SORCS1: variants seen among roughly 807,000 people sequenced by gnomAD.
The protein encoded by SORCS1 is sortilin related VPS10 domain containing receptor 1.
Under a neutral mutation model 146.1 loss-of-function variants are expected in SORCS1, and 60 were observed. That is an observed-to-expected ratio of 0.41 (90% CI 0.33 to 0.51). The LOEUF is 0.51. SORCS1 is among the 20% of genes least tolerant of loss of function. The pLI, the probability that SORCS1 is intolerant of heterozygous loss-of-function variation, is 0.21. For synonymous variants in SORCS1, 637 were observed against 584.0 expected (o/e 1.09, Z -1.31); for missense variants, 1,352 against 1,487.6 (o/e 0.91, Z 1.50).
intron 7 of SORCS1, among the ~76,000 whole-genome samples, chr10:106,707,740 G>C (rs1854635773): frequency 6.6e-6 from 1 of 152,108 alleles, no homozygotes; most frequent in Admixed American, 6.5e-5. Flanking sequence ...GGTAGAGAGG[G>C]CAGGTGTGGT....
chr10:106,883,091 C>G (rs1374835703), intron 2 of SORCS1, among the ~76,000 whole-genome samples: 3 of 152,176 alleles, frequency 2.0e-5, no homozygotes, highest in Non-Finnish European at 4.4e-5. Context: ...GATATCCATC[C>G]AGTATGTTTT....
intron 2 of SORCS1, among the ~76,000 whole-genome samples, chr10:106,844,686 T>G (rs1193465506): frequency 4.1e-5 from 6 of 147,242 alleles, no homozygotes; most frequent in African/African-American, 1.2e-4. Context: ...ACCCACTAAC[T>G]CGTCATCTAG....
At chr10:106,999,961 G>C (rs1358854501) in intron 1 of SORCS1, among the ~76,000 whole-genome samples, 5 of 152,074 alleles carry the variant, frequency 3.3e-5, no homozygotes. Context: ...GCTGGGCCAG[G>C]CATCACAGGA....
In SORCS1 at chr10:106,860,749, C is replaced by T. The variant is rs1461301073; in HGVS notation, c.627-31076G>A. 2.6e-5 allele frequency among the ~76,000 whole-genome samples: 4 copies of T among 152,164 alleles called. No individual in the cohort carries two copies. In the East Asian group the frequency reaches 5.8e-4, roughly 22 times the overall value. The stretch of plus-strand genomic sequence containing the variant: ...TGTGTCTGAAAAAGAATAGATTTTT[C>T]CTAATGGAGCTCCCAGAACTTACAT... On this transcript the variant is annotated intron_variant, in intron 2 of 25. Coordinates refer to ENST00000263054, the MANE Select transcript of SORCS1 (RefSeq NM_052918.5).
intron 1 of SORCS1, among the ~76,000 whole-genome samples, chr10:107,086,736 A>G (rs1316119712): frequency 1.3e-5 from 2 of 152,242 alleles, no homozygotes; most frequent in African/African-American, 2.4e-5. Context: ...CACCTAGAAA[A>G]TATTACCAGA....
chr10:106,748,327 G>C (rs942028922), intron 5 of SORCS1, among the ~76,000 whole-genome samples: 2 of 151,996 alleles, frequency 1.3e-5, no homozygotes, highest in Non-Finnish European at 2.9e-5. Context: ...CTGTTACGGC[G>C]ATGTGTGGTC....
At chr10:107,094,826 G>A (rs1278625090) in intron 1 of SORCS1, among the ~76,000 whole-genome samples, 2 of 152,212 alleles carry the variant, frequency 1.3e-5, no homozygotes, top group African/African-American at 4.8e-5. Context: ...ATGGTTAGAT[G>A]TTAAGTATGG....
chr10:106,978,373 T>C (rs1157746213), intron 1 of SORCS1, among the ~76,000 whole-genome samples: 1 of 152,182 alleles, frequency 6.6e-6, no homozygotes, highest in Non-Finnish European at 1.5e-5. Context: ...GGAGTCTTTA[T>C]GTGTATAATA....
chr10:106,761,131 G>A lies in SORCS1; in HGVS notation c.959+457C>T, dbSNP rs1024820518. Among the ~76,000 whole-genome samples, 32 of 152,018 alleles carry A rather than the reference G, an allele frequency of 2.1e-4. 1 individual carries two copies. The highest frequency in any genetic ancestry group is 2.0e-3 in the Admixed American group (31 of 15,272). Reference sequence around the variant, plus strand: ...AATAAATAAATAAATAAATAACAAGGAGAAGGCCTACAAGATCTAAAATCA... The same window carrying A: ...AATAAATAAATAAATAAATAACAAGAAGAAGGCCTACAAGATCTAAAATCA... On this transcript the variant is annotated intron_variant, in intron 5 of 25. Transcript: ENST00000263054.
At chr10:106,593,912 A>T (rs1589685018) in intron 24 of SORCS1, among the ~76,000 whole-genome samples, 2 of 152,330 alleles carry the variant, frequency 1.3e-5, no homozygotes, top group East Asian at 3.9e-4. Flanking sequence ...CAGGAGTCTT[A>T]GTCCTGCTTC....
chr10:106,601,220 C>G (rs1846222558), intron 23 of SORCS1, among the ~76,000 whole-genome samples: 1 of 152,218 alleles, frequency 6.6e-6, no homozygotes, highest in Non-Finnish European at 1.5e-5. Context: ...AGGAGGGAGA[C>G]TGAACCTGCT....
At chr10:106,816,292 C>T (rs1947737901) in intron 3 of SORCS1, among the ~76,000 whole-genome samples, 2 of 152,208 alleles carry the variant, frequency 1.3e-5, no homozygotes, top group South Asian at 4.1e-4. Flanking sequence ...TCTGTGATTT[C>T]AGACAAACTA....
At chr10:106,806,505 C>CTTTCTTTTT (rs1380725939) in intron 3 of SORCS1, among the ~76,000 whole-genome samples, 2 of 70,454 alleles carry the variant, frequency 2.8e-5, no homozygotes, top group African/African-American at 6.3e-5. Context: ...GAGAGGAAGC[C>CTTTCTTTTT]TTTTTTTTTT....
intron 4 of SORCS1, among the ~76,000 whole-genome samples, chr10:106,772,433 G>T (rs936728014): frequency 4.0e-5 from 6 of 151,446 alleles, no homozygotes; most frequent in Non-Finnish European, 8.8e-5. Flanking sequence ...AATTACATGA[G>T]TAAATTCCCA....
chr10:106,992,221 G>T (rs894437381), intron 1 of SORCS1, among the ~76,000 whole-genome samples: 1 of 152,102 alleles, frequency 6.6e-6, no homozygotes, highest in Non-Finnish European at 1.5e-5. Flanking sequence ...GGACAAAGGA[G>T]CCCCTGACTT....
intron 3 of SORCS1, among the ~76,000 whole-genome samples, chr10:106,778,922 T>G (rs1860673234): frequency 6.6e-6 from 1 of 152,118 alleles, no homozygotes; most frequent in African/African-American, 2.4e-5. Context: ...GCCTACAGAA[T>G]ATTCCCAAAG....
intron 2 of SORCS1, among the ~76,000 whole-genome samples, chr10:106,839,772 G>T (rs955311701): frequency 6.6e-6 from 1 of 152,216 alleles, no homozygotes; most frequent in African/African-American, 2.4e-5. Context: ...GTGACTTTCA[G>T]TTGAAGTCAA....
At chr10:106,994,286 G>T (rs79749720) in intron 1 of SORCS1, among the ~76,000 whole-genome samples, 2 of 151,938 alleles carry the variant, frequency 1.3e-5, no homozygotes, top group African/African-American at 2.4e-5. Context: ...ACTACAGCAC[G>T]ACAAAAATCT....
intron 3 of SORCS1, among the ~76,000 whole-genome samples, chr10:106,824,820 T>G (rs1442174495): frequency 6.6e-6 from 1 of 152,206 alleles, no homozygotes; most frequent in Non-Finnish European, 1.5e-5. Context: ...TCTGAGGAGC[T>G]AGGGTCCTCT....
Sources: allele counts gnomAD v4.1 joint callset (sites outside exome capture counted in the v4.1 genomes callset), GRCh38; gene constraint gnomAD v4.1.1; transcripts MANE v1.5; gene names NCBI Gene and HGNC (gene_info 2026-07-23, HGNC 2026-07-21).